Variants in TNKS observed in about 807,000 individuals in gnomAD.
The protein encoded by TNKS is tankyrase.
TNKS carries 72 observed loss-of-function variants against 135.8 expected under a neutral mutation model. The observed-to-expected ratio is 0.53, with a 90% CI of 0.44 to 0.64. TNKS has a LOEUF of 0.64. Among genes scored for constraint, TNKS ranks in the 30% least tolerant of loss-of-function variants. TNKS has a pLI of 0.00. For synonymous variants in TNKS, 849 were observed against 649.3 expected (o/e 1.31, Z -4.68); for missense variants, 1,769 against 1,674.0 (o/e 1.06, Z -0.99).
chr8:9,570,521 A>C (rs80251503), intron 1 of TNKS, among the ~76,000 whole-genome samples: 1 of 152,320 alleles, frequency 6.6e-6, no homozygotes, highest in Non-Finnish European at 1.5e-5. Context: ...TAGAATAACC[A>C]ACTGCTTGCA....
intron 2 of TNKS, among the ~76,000 whole-genome samples, chr8:9,609,751 G>C (rs1799375674): frequency 1.3e-5 from 2 of 152,142 alleles, no homozygotes; most frequent in African/African-American, 4.8e-5. Context: ...ATTTAAATAA[G>C]CTACTCTGCC....
At chr8:9,648,712 A>G (rs1801015446) in intron 3 of TNKS, among the ~76,000 whole-genome samples, 2 of 152,298 alleles carry the variant, frequency 1.3e-5, no homozygotes, top group South Asian at 4.1e-4. Flanking sequence ...GCTTTGTGTT[A>G]TTAATGTTAT....
chr8:9,646,524 T>A (rs1800925888), intron 3 of TNKS, among the ~76,000 whole-genome samples: 1 of 152,168 alleles, frequency 6.6e-6, no homozygotes, highest in Non-Finnish European at 1.5e-5. Flanking sequence ...TTTTTTGAAG[T>A]CACATTGTGT....
chr8:9,558,872 G>GT (rs1325056965), intron 1 of TNKS: 3 of 152,024 alleles, frequency 2.0e-5, no homozygotes, highest in Non-Finnish European at 2.9e-5. Flanking sequence ...GATTGAATTC[G>GT]TAACATTAAA....
intron 17 of TNKS, among the ~76,000 whole-genome samples, chr8:9,746,634 A>G (rs1806249244): frequency 6.6e-6 from 1 of 152,114 alleles, no homozygotes; most frequent in Non-Finnish European, 1.5e-5. Flanking sequence ...AGCTACAACT[A>G]TTAATCCCCT....
chr8:9,635,494 G>C (rs1341196629), intron 3 of TNKS, among the ~76,000 whole-genome samples: 1 of 152,210 alleles, frequency 6.6e-6, no homozygotes, highest in African/African-American at 2.4e-5. Context: ...GTTAGTGGAT[G>C]CCAAATCTCA....
chr8:9,628,085 A>G (rs1285018667), intron 3 of TNKS, among the ~76,000 whole-genome samples: 2 of 152,170 alleles, frequency 1.3e-5, no homozygotes. Context: ...TGTTTCCTGC[A>G]GCTATGCTCT....
chr8:9,780,150 T>A lies in TNKS; in HGVS notation c.*3414T>A, dbSNP rs1808398226. On this transcript the variant is annotated 3_prime_UTR_variant, in exon 27 of 27. Transcript: ENST00000310430. ...AATAAGTTGTCTAGGTTTTTCTGTT[T>A]CAGTGTCTCTCCCAATGGCACGAAG... The A allele has an allele frequency of 6.6e-6, 1 of 152,246 alleles. No individual in the cohort carries two copies. The highest frequency in any genetic ancestry group is 2.4e-5 in the African/African-American group (1 of 41,470). 9.4% of individuals were successfully genotyped at this position (152,246 alleles called of 1,614,324 possible).
chr8:9,740,302 G>A (rs929075041), intron 17 of TNKS, among the ~76,000 whole-genome samples: 2 of 152,142 alleles, frequency 1.3e-5, no homozygotes, highest in South Asian at 2.1e-4. Context: ...CAGTTCATAC[G>A]TACCAGGTGT....
At chr8:9,569,230 C>T (rs1016407991) in intron 1 of TNKS, among the ~76,000 whole-genome samples, 7 of 152,158 alleles carry the variant, frequency 4.6e-5, no homozygotes, top group Admixed American at 2.0e-4. Context: ...ACTCCCTGGA[C>T]GACATCAGCT....
At chr8:9,643,442 T>C (rs1267178690) in intron 3 of TNKS, among the ~76,000 whole-genome samples, 1 of 113,614 alleles carries the variant, frequency 8.8e-6, no homozygotes, top group Admixed American at 1.1e-4. Context: ...GCTTCTGCGA[T>C]AATAGCATTA....
At chr8:9,704,440 C>T (rs376743058) in intron 5 of TNKS, among the ~76,000 whole-genome samples, 1 of 151,912 alleles carries the variant, frequency 6.6e-6, no homozygotes, top group South Asian at 2.1e-4. Flanking sequence ...TTACTGATGG[C>T]CTTAAAAAAA....
At position 9,781,410 on chromosome 8, in the gene TNKS, A is replaced by C. The variant is rs976128356; in HGVS notation, c.*4674A>C. The C allele has an allele frequency of 1.3e-5, 2 of 152,078 alleles. No homozygotes were observed. The highest frequency in any genetic ancestry group is 2.9e-5 in the Non-Finnish European group (2 of 68,048). The allele number at this position is 152,078 out of a possible 1,614,324, so 9.4% of individuals were successfully genotyped here. On this transcript the variant is annotated 3_prime_UTR_variant, in exon 27 of 27. Coordinates refer to ENST00000310430, the MANE Select transcript of TNKS (RefSeq NM_003747.3). ...TGGGGTGTCCCTCACACACCCGCGC[A>C]CCCCTCCCAAAGTTCAGGATGAAAG...
At chr8:9,672,614 C>G (rs1421275342) in intron 3 of TNKS, among the ~76,000 whole-genome samples, 1 of 139,954 alleles carries the variant, frequency 7.1e-6, no homozygotes, top group East Asian at 2.2e-4. Context: ...TTTACTTTTC[C>G]TGATTTAAAT....
chr8:9,602,939 A>G (rs4841179), intron 2 of TNKS, among the ~76,000 whole-genome samples: 43,828 of 152,132 alleles, frequency 0.29, 6,625 homozygotes, highest in East Asian at 0.39. Flanking sequence ...TACTTGATCT[A>G]TATTTGGGTT....
intron 13 of TNKS, among the ~76,000 whole-genome samples, chr8:9,727,218 G>C (rs1486119638): frequency 6.6e-6 from 1 of 152,148 alleles, no homozygotes; most frequent in Non-Finnish European, 1.5e-5. Flanking sequence ...GCAGAAGATA[G>C]ATTTTTTCCC....
chr8:9,752,141 A>G (rs1057002239), intron 19 of TNKS, among the ~76,000 whole-genome samples: 14 of 152,228 alleles, frequency 9.2e-5, no homozygotes, highest in South Asian at 2.1e-4. Flanking sequence ...TTCAGGAATG[A>G]AAACTAAAAT....
intron 22 of TNKS, 117 bp downstream of exon 22, chr8:9,763,361 G>C (rs1021261887): frequency 3.9e-5 from 20 of 519,196 alleles, no homozygotes; most frequent in African/African-American, 3.7e-4. Flanking sequence ...TAATCAGTCT[G>C]TCTTAGCCAC....
In TNKS at chr8:9,763,141, C is replaced by G. The variant is rs756152870; in HGVS notation, c.3275-6C>G. 6.5e-7 allele frequency: 1 copy of G among 1,548,554 alleles called. No homozygotes were observed. The highest frequency in any genetic ancestry group is 1.2e-5 in the South Asian group (1 of 80,132). Reference sequence around the variant, plus strand: ...TGTTTTATATGTTAATTTTTCTCTCCGACAGGCACCAATCCTTATTTGACT... The same window carrying G: ...TGTTTTATATGTTAATTTTTCTCTCGGACAGGCACCAATCCTTATTTGACT... On this transcript the variant is annotated splice_region_variant and splice_polypyrimidine_tract_variant and intron_variant, in intron 21 of 26. Coordinates refer to ENST00000310430, the MANE Select transcript of TNKS (RefSeq NM_003747.3).
Sources: allele counts gnomAD v4.1 joint callset (sites outside exome capture counted in the v4.1 genomes callset), GRCh38; gene constraint gnomAD v4.1.1; transcripts MANE v1.5; gene names NCBI Gene and HGNC (gene_info 2026-07-23, HGNC 2026-07-21).